The following PCDHGA6 variants were observed in gnomAD, a reference collection of about 807,000 sequenced individuals.
PCDHGA6 encodes the protein protocadherin gamma-A6.
A neutral mutation model predicts 60.6 loss-of-function variants in PCDHGA6; 41 were observed. That is an observed-to-expected ratio of 0.68 (90% confidence interval 0.53 to 0.88). The LOEUF is 0.88. Ranked by LOEUF, PCDHGA6 falls within the 40% of genes least tolerant of loss-of-function variation. The pLI is 0.00. For synonymous variants in PCDHGA6, 594 were observed against 524.4 expected, an observed-to-expected ratio of 1.13 and a Z score of -1.81; for missense variants, 1,312 against 1,203.0, an observed-to-expected ratio of 1.09 and a Z score of -1.34.
At position 141,431,294 on chromosome 5, in the gene PCDHGA6, T is replaced by C; in HGVS notation, c.2424+54787T>C. 1.9e-6 allele frequency: 3 copies of C among 1,614,096 alleles called. No individual in the cohort carries two copies. Among genetic ancestry groups the C allele is most frequent in the Non-Finnish European group, 2.5e-6 (3 of 1,180,026 alleles). ...CGAGCTCAGCCCGAACACTCACTTC[T>C]CCCTCATCGTGCAAAATGGAGCCGA... On this transcript the variant is annotated intron_variant, in intron 1 of 3. Transcript: ENST00000517434. The surrounding 1 kb of genome is among the most constrained non-coding windows in gnomAD (Gnocchi z 4.8).
At chr5:141,393,553 A>G (rs377510269) in intron 1 of PCDHGA6, 2 of 1,613,810 alleles carry the variant, frequency 1.2e-6, no homozygotes, top group African/African-American at 2.7e-5. Context: ...CACCCGATTT[A>G]CCGAGTGAAA....
intron 1 of PCDHGA6, chr5:141,384,047 C>T (rs775378618): frequency 4.3e-6 from 7 of 1,612,190 alleles, no homozygotes; most frequent in African/African-American, 1.3e-5. Flanking sequence ...GGTGAGGTGA[C>T]CTGCACCATT....
chr5:141,483,588 A>G (rs2099583207), intron 1 of PCDHGA6, among the ~76,000 whole-genome samples: 1 of 152,112 alleles, frequency 6.6e-6, no homozygotes, highest in African/African-American at 2.4e-5. Flanking sequence ...AACACCTAAT[A>G]GGTCAGGCTG....
At chr5:141,508,538 G>C (rs1383873129) in intron 3 of PCDHGA6, among the ~76,000 whole-genome samples, 1 of 152,120 alleles carries the variant, frequency 6.6e-6, no homozygotes, top group African/African-American at 2.4e-5. Flanking sequence ...CACCCCCCAC[G>C]AGGTGGGCGG....
intron 1 of PCDHGA6, among the ~76,000 whole-genome samples, chr5:141,453,779 C>T (rs138335951): frequency 0.013 from 2,000 of 152,278 alleles, 24 homozygotes; most frequent in Non-Finnish European, 0.021. Flanking sequence ...ATTTTAGTTA[C>T]CATGGTATAT....
Position 141,407,977 on chromosome 5 carries a change from G to T in PCDHGA6, c.2424+31470G>T, listed in dbSNP as rs943554200. ...GTGCAGAGCAAGCGCTGACGCCGGG[G>T]ATCCGTCAGCCTCTGGCCTGGGATT... On this transcript the variant is annotated intron_variant, in intron 1 of 3. Coordinates refer to ENST00000517434, the MANE Select transcript of PCDHGA6 (RefSeq NM_018919.3). 65 of 747,656 alleles carry T rather than the reference G, an allele frequency of 8.7e-5. No individual in the cohort carries two copies. The African/African-American group carries it at 1.0e-3, about 12-fold the overall frequency. The allele number at this position is 747,656 out of a possible 1,614,324, so 46.3% of individuals were successfully genotyped here. A position where few individuals can be genotyped will look rare whatever the true frequency, so the allele number is the denominator to read the frequency against.
At chr5:141,419,259 CG>C in intron 1 of PCDHGA6, 1 of 1,614,016 alleles carries the variant, frequency 6.2e-7, no homozygotes, top group Non-Finnish European at 8.5e-7. Context: ...AACAACCAGC[CG>C]GGTGCCTCCA....
intron 1 of PCDHGA6, chr5:141,430,740 A>C (rs1485485180): frequency 5.3e-6 from 8 of 1,497,664 alleles, no homozygotes; most frequent in Non-Finnish European, 7.1e-6. Context: ...AATTGAAAAT[A>C]ATTCTGGAGG....
Position 141,511,066 on chromosome 5 carries a change from C to T in PCDHGA6, c.2692C>T (p.Pro898Ser). Residue 898 changes from proline to serine, a missense_variant, in exon 4 of 4, where the codon CCA (proline) becomes TCA (serine). Physicochemically the swap from Pro to Ser is moderately conservative, Grantham distance 74. Transcript: ENST00000517434. The part of the protein sequence containing the change: ...VPDYRQNVYI[P>S]GSNATLTNAA... ...CGACTACCGCCAGAATGTCTACATC[C>T]CAGGCAGCAATGCCACACTGACCAA... 1.2e-6 allele frequency: 2 copies of T among 1,614,230 alleles called. No individual in the cohort carries two copies. Among genetic ancestry groups the T allele is most frequent in the Non-Finnish European group, 1.7e-6 (2 of 1,180,036 alleles).
At chr5:141,394,648 G>T (rs1294007915) in intron 1 of PCDHGA6, 1 of 1,613,404 alleles carries the variant, frequency 6.2e-7, no homozygotes, top group East Asian at 2.2e-5. Flanking sequence ...CTCAAGGCCA[G>T]CGAGCCGGGA....
intron 1 of PCDHGA6, chr5:141,413,476 G>A: frequency 6.2e-7 from 1 of 1,614,122 alleles, no homozygotes; most frequent in Non-Finnish European, 8.5e-7. Context: ...GGAGCTCTGC[G>A]CTCAGAGCGC....
intron 2 of PCDHGA6, among the ~76,000 whole-genome samples, chr5:141,500,310 G>A (rs1327269551): frequency 6.6e-6 from 1 of 151,740 alleles, no homozygotes; most frequent in Non-Finnish European, 1.5e-5. Flanking sequence ...CCAGGTTCAC[G>A]CCATGCTCCT....
chr5:141,412,790 A>G lies in PCDHGA6; in HGVS notation c.2424+36283A>G, dbSNP rs557299291. ...ATTTACAATATTTTCACTCCACTTTATCACACCTCCCCTAAGAAACCTACA... is the reference window on the plus strand; with the variant it reads ...ATTTACAATATTTTCACTCCACTTTGTCACACCTCCCCTAAGAAACCTACA... On this transcript the variant is annotated intron_variant, in intron 1 of 3. Coordinates refer to ENST00000517434, the MANE Select transcript of PCDHGA6 (RefSeq NM_018919.3). Among the ~76,000 whole-genome samples the G allele has an allele frequency of 2.0e-5, 3 of 152,370 alleles. No individual in the cohort carries two copies. The South Asian group carries it at 6.2e-4, about 32-fold the overall frequency.
Position 141,490,522 on chromosome 5 carries a change from G to A in PCDHGA6, c.2425-4285G>A, listed in dbSNP as rs191201177. ...CTATATCATCGAGCTGCTGGCCAGC[G>A]ATGCTGGTTCACCTTCCCTACACAA... On this transcript the variant is annotated intron_variant, in intron 1 of 3. Transcript: ENST00000517434. This position sits in a 1 kb window ranked among gnomAD's most constrained non-coding sequence, Gnocchi z 5.4. 5.0e-6 allele frequency: 8 copies of A among 1,614,054 alleles called. No homozygotes were observed. Among genetic ancestry groups the A allele is most frequent in the Admixed American group, 3.3e-5 (2 of 60,010 alleles).
chr5:141,382,990 A>T, intron 1 of PCDHGA6: 4 of 1,613,412 alleles, frequency 2.5e-6, no homozygotes, highest in Non-Finnish European at 3.4e-6. Context: ...GGCAGGACGT[A>T]TTCTCTACTC....
At chr5:141,424,016 T>G in intron 1 of PCDHGA6, 16 of 1,038,360 alleles carry the variant, frequency 1.5e-5, no homozygotes, top group Non-Finnish European at 1.3e-5. Context: ...AAATTAATGA[T>G]TCACAAACAC....
chr5:141,399,106 T>C, intron 1 of PCDHGA6: 2 of 1,613,784 alleles, frequency 1.2e-6, no homozygotes, highest in Non-Finnish European at 1.7e-6. Context: ...GGTTGCACAA[T>C]GTACAGTTGA....
intron 1 of PCDHGA6, chr5:141,395,340 G>T (rs529007241): frequency 2.1e-6 from 3 of 1,419,360 alleles, no homozygotes; most frequent in Non-Finnish European, 1.9e-6. Flanking sequence ...TAATTTTTAA[G>T]GTGTATCACA....
chr5:141,471,208 C>G (rs559571022), intron 1 of PCDHGA6: 1 of 151,664 alleles, frequency 6.6e-6, no homozygotes, highest in Non-Finnish European at 1.5e-5. Context: ...CACCCCCATG[C>G]CTGGCAATTT....
Sources: gnomAD v4.1 joint callset for allele counts (sites outside exome capture counted in the v4.1 genomes callset) on GRCh38, gnomAD v4.1.1 for gene constraint, Gnocchi (gnomAD v3.1) non-coding constraint, MANE v1.5 for transcripts, NCBI Gene and HGNC (gene_info 2026-07-23, HGNC 2026-07-21) for gene names.